GLIS3: variants seen among roughly 807,000 people sequenced by gnomAD.
GLIS3 encodes GLIS family zinc finger 3.
In GLIS3, 53 loss-of-function variants were observed where a neutral mutation model predicts 78.6. The observed-to-expected ratio is 0.67, with a 90% CI of 0.54 to 0.85. The LOEUF is 0.85. Ranked by LOEUF, GLIS3 falls within the 40% of genes least tolerant of loss-of-function variation. The probability of loss-of-function intolerance (pLI) is 0.00; values close to 1 mark genes in which losing one functional copy is unlikely to be tolerated. For synonymous variants in GLIS3, 684 were observed against 509.9 expected (o/e 1.34, Z -4.60); for missense variants, 1,703 against 1,231.1 (o/e 1.38, Z -5.74).
At chr9:4,419,946 T>C in the GLIS3 span, among the ~76,000 whole-genome samples, 1 of 152,098 alleles carries the variant, frequency 6.6e-6, no homozygotes, top group Non-Finnish European at 1.5e-5. Flanking sequence ...AACATGAGAT[T>C]TGAGCAGGGA....
intron 4 of GLIS3, among the ~76,000 whole-genome samples, chr9:4,105,864 C>T (rs1019814415): frequency 1.3e-5 from 2 of 152,068 alleles, no homozygotes; most frequent in African/African-American, 4.8e-5. Context: ...CAATAGAACA[C>T]GATCGGGGTG....
At chr9:4,445,924 G>A in the GLIS3 span, among the ~76,000 whole-genome samples, 1 of 152,210 alleles carries the variant, frequency 6.6e-6, no homozygotes, top group African/African-American at 2.4e-5. Flanking sequence ...TCTCTAGGTA[G>A]TTTTCACCAT....
chr9:3,878,198 C>A (rs116897868), intron 8 of GLIS3, among the ~76,000 whole-genome samples: 4,662 of 152,138 alleles, frequency 0.031, 101 homozygotes, highest in Middle Eastern at 0.051. Context: ...CTTTCCCTCA[C>A]CCCCGAGACA....
chr9:4,179,254 A>G (rs1817078762), intron 2 of GLIS3, among the ~76,000 whole-genome samples: 1 of 152,236 alleles, frequency 6.6e-6, no homozygotes, highest in African/African-American at 2.4e-5. Flanking sequence ...TTAATAATGA[A>G]CAAGCCAAAA....
At chr9:3,918,713 C>G (rs1276653896) in intron 6 of GLIS3, among the ~76,000 whole-genome samples, 1 of 152,130 alleles carries the variant, frequency 6.6e-6, no homozygotes, top group Non-Finnish European at 1.5e-5. Context: ...TTCTTGCCCT[C>G]TACAGGGCCA....
intron 7 of GLIS3, among the ~76,000 whole-genome samples, chr9:3,881,213 T>C (rs1821708891): frequency 1.3e-5 from 2 of 152,204 alleles, no homozygotes; most frequent in Admixed American, 6.5e-5. Context: ...GTGTTTTATA[T>C]ACTATTCCAA....
intron 8 of GLIS3, among the ~76,000 whole-genome samples, chr9:3,859,062 G>A (rs1035513558): frequency 1.2e-4 from 19 of 152,182 alleles, no homozygotes; most frequent in Non-Finnish European, 7.4e-5. Context: ...TGGAGAAGAT[G>A]AAGAGAGAGT....
At chr9:4,144,504 T>C (rs557340839) in intron 2 of GLIS3, among the ~76,000 whole-genome samples, 1 of 152,342 alleles carries the variant, frequency 6.6e-6, no homozygotes, top group East Asian at 1.9e-4. Context: ...ATTAGATGGT[T>C]GTTTATACAT....
At chr9:4,059,837 A>T (rs946463867) in intron 4 of GLIS3, among the ~76,000 whole-genome samples, 1,253 of 66,364 alleles carry the variant, frequency 0.019, 8 homozygotes, top group Middle Eastern at 0.048. Flanking sequence ...TGTGAGAGAG[A>T]GAGAGAGAGA....
the GLIS3 span, among the ~76,000 whole-genome samples, chr9:4,385,765 G>A: frequency 2.4e-5 from 1 of 41,342 alleles, no homozygotes; most frequent in Non-Finnish European, 4.8e-5. Flanking sequence ...AAGAAAGAAA[G>A]AAAGAAAGAA....
At chr9:4,431,092 G>A in the GLIS3 span, among the ~76,000 whole-genome samples, 1 of 152,044 alleles carries the variant, frequency 6.6e-6, no homozygotes, top group Non-Finnish European at 1.5e-5. Flanking sequence ...TTTTCCTACC[G>A]TTCTTACTGA....
At chr9:4,080,385 G>T in intron 4 of GLIS3, among the ~76,000 whole-genome samples, 1 of 151,484 alleles carries the variant, frequency 6.6e-6, no homozygotes, top group Non-Finnish European at 1.5e-5. Context: ...CAGTAATCAG[G>T]ATAAAAAAAC....
the GLIS3 span, among the ~76,000 whole-genome samples, chr9:4,448,975 T>C: frequency 1.3e-5 from 2 of 152,134 alleles, no homozygotes; most frequent in African/African-American, 2.4e-5. Context: ...GTTTGGACAG[T>C]GGGTGCAGCC....
intron 8 of GLIS3, among the ~76,000 whole-genome samples, chr9:3,868,338 T>A (rs1482523703): frequency 6.6e-6 from 1 of 151,986 alleles, no homozygotes; most frequent in Non-Finnish European, 1.5e-5. Flanking sequence ...AATTTTCAGA[T>A]GTTCATCACT....
the GLIS3 span, among the ~76,000 whole-genome samples, chr9:4,440,812 C>T: frequency 6.6e-6 from 1 of 152,062 alleles, no homozygotes; most frequent in South Asian, 2.1e-4. Flanking sequence ...TTTTCATTTA[C>T]TTGTGTCTTC....
chr9:4,338,026 G>GTA (rs1817777838), intron 2 of GLIS3, among the ~76,000 whole-genome samples: 1 of 51,594 alleles, frequency 1.9e-5, no homozygotes, highest in African/African-American at 7.6e-5. Context: ...TGGCAAGGCT[G>GTA]TGTGTGTGTG....
chr9:4,475,560 C>T, the GLIS3 span, among the ~76,000 whole-genome samples: 2,028 of 152,196 alleles, frequency 0.013, 47 homozygotes, highest in African/African-American at 0.047. Context: ...TATTCTGCAG[C>T]AGTGCAAAGG....
At chr9:4,370,046 G>T in the GLIS3 span, among the ~76,000 whole-genome samples, 1 of 151,944 alleles carries the variant, frequency 6.6e-6, no homozygotes, top group Non-Finnish European at 1.5e-5. Context: ...ACAAAAATTA[G>T]CCGGGCCTGG....
chr9:4,193,832 T>C (rs1404930044), intron 2 of GLIS3, among the ~76,000 whole-genome samples: 1 of 152,192 alleles, frequency 6.6e-6, no homozygotes, highest in Non-Finnish European at 1.5e-5. Flanking sequence ...CCTCTGCACA[T>C]TATACACTAA....
Sources: allele counts gnomAD v4.1 joint callset (sites outside exome capture counted in the v4.1 genomes callset), GRCh38; gene constraint gnomAD v4.1.1; transcripts MANE v1.5; gene names NCBI Gene and HGNC (gene_info 2026-07-23, HGNC 2026-07-21).